Variants in PTPN2 observed in about 807,000 individuals in gnomAD.
The protein encoded by PTPN2 is tyrosine-protein phosphatase non-receptor type 2.
Under a neutral mutation model 57.3 loss-of-function variants are expected in PTPN2, and 19 were observed. The ratio of observed to expected loss-of-function variants is 0.33; its 90% CI spans 0.23 to 0.49. PTPN2 has a LOEUF of 0.49. Ranked by LOEUF, PTPN2 falls within the 20% of genes least tolerant of loss-of-function variation. The probability of loss-of-function intolerance (pLI) is 0.99; values close to 1 mark genes in which losing one functional copy is unlikely to be tolerated. For missense variants in PTPN2, 358 were observed against 501.1 expected (o/e 0.71, Z 2.73); for synonymous variants, 153 against 164.9 (o/e 0.93, Z 0.55).
At chr18:12,788,037 G>A (rs957904569), downstream of PTPN2, 5 of 154,734 alleles carry the variant, frequency 3.2e-5, no homozygotes, top group Non-Finnish European at 5.9e-5. Context: ...TTCTCTTAAG[G>A]TGCAAAGATG....
chr18:12,881,638 G>A (rs939748227), intron 1 of PTPN2, among the ~76,000 whole-genome samples: 2 of 152,050 alleles, frequency 1.3e-5, no homozygotes, highest in African/African-American at 4.8e-5. Flanking sequence ...CTCCTTGCTG[G>A]AACAGTAATT....
intron 1 of PTPN2, among the ~76,000 whole-genome samples, chr18:12,872,666 C>T (rs2044310228): frequency 6.6e-6 from 1 of 152,178 alleles, no homozygotes; most frequent in Admixed American, 6.5e-5. Flanking sequence ...AAACCACATG[C>T]TAAGTTTGCG....
chr18:12,879,517 G>C (rs959776946), intron 1 of PTPN2, among the ~76,000 whole-genome samples: 1 of 152,158 alleles, frequency 6.6e-6, no homozygotes, highest in African/African-American at 2.4e-5. Flanking sequence ...CTAAGCACCT[G>C]ATACTGTGCA....
intron 1 of PTPN2, among the ~76,000 whole-genome samples, chr18:12,874,967 A>T (rs895870550): frequency 2.0e-5 from 3 of 152,086 alleles, no homozygotes; most frequent in Non-Finnish European, 4.4e-5. Flanking sequence ...TACTAAGAAA[A>T]ATTCTTCTGC....
intron 7 of PTPN2, among the ~76,000 whole-genome samples, chr18:12,807,876 T>A (rs1274283868): frequency 1.3e-5 from 2 of 151,950 alleles, no homozygotes; most frequent in African/African-American, 4.8e-5. Context: ...ACAGAATGAC[T>A]ATGGTTAATA....
intron 6 of PTPN2, among the ~76,000 whole-genome samples, chr18:12,815,719 G>A (rs1477230426): frequency 6.6e-6 from 1 of 152,158 alleles, no homozygotes; most frequent in East Asian, 1.9e-4. Flanking sequence ...TAATACAGAT[G>A]TTTAGTTAAG....
At chr18:12,880,018 A>G (rs1224279023) in intron 1 of PTPN2, among the ~76,000 whole-genome samples, 1 of 152,228 alleles carries the variant, frequency 6.6e-6, no homozygotes, top group African/African-American at 2.4e-5. Flanking sequence ...TTGCTGCTGT[A>G]TGACATCCAA....
At chr18:12,843,687 C>T (rs1023674296) in intron 2 of PTPN2, among the ~76,000 whole-genome samples, 4 of 152,206 alleles carry the variant, frequency 2.6e-5, no homozygotes, top group African/African-American at 9.6e-5. Context: ...TCTTTGCAGC[C>T]AGGGACGCTG....
chr18:12,842,173 TG>T (rs2043067596), intron 2 of PTPN2, among the ~76,000 whole-genome samples: 1 of 152,148 alleles, frequency 6.6e-6, no homozygotes. Context: ...CCCAAAGTGT[TG>T]GGATTACAGG....
intron 7 of PTPN2, among the ~76,000 whole-genome samples, chr18:12,812,849 G>A (rs2041939893): frequency 6.6e-6 from 1 of 152,006 alleles, no homozygotes; most frequent in Non-Finnish European, 1.5e-5. Context: ...AGAATTGAGA[G>A]CCTGAGGACA....
At chr18:12,821,073 A>G (rs1020533684) in intron 5 of PTPN2, among the ~76,000 whole-genome samples, 2 of 152,342 alleles carry the variant, frequency 1.3e-5, no homozygotes, top group East Asian at 3.9e-4. Flanking sequence ...TCCAATTATC[A>G]TAAAAAATCT....
chr18:12,825,019 G>C (rs1409860815), intron 5 of PTPN2, among the ~76,000 whole-genome samples: 5 of 152,112 alleles, frequency 3.3e-5, no homozygotes, highest in Non-Finnish European at 7.4e-5. Flanking sequence ...CCAGGAGTTG[G>C]AGGCCTCATT....
At chr18:12,800,549 CATA>C (rs1234663807) in intron 8 of PTPN2, among the ~76,000 whole-genome samples, 2 of 152,056 alleles carry the variant, frequency 1.3e-5, no homozygotes, top group Admixed American at 1.3e-4. Flanking sequence ...ATTACTAAAT[CATA>C]ATAAACTCTT....
At chr18:12,804,939 T>A (rs1412292450) in intron 7 of PTPN2, among the ~76,000 whole-genome samples, 8 of 152,116 alleles carry the variant, frequency 5.3e-5, no homozygotes, top group Non-Finnish European at 1.2e-4. Context: ...CAGGCCAATA[T>A]CCTTGATGAA....
chr18:12,791,654 C>A (rs187519374), downstream of PTPN2, among the ~76,000 whole-genome samples: 46 of 152,034 alleles, frequency 3.0e-4, 1 homozygote, highest in East Asian at 4.8e-3. Context: ...TTAAAGCATC[C>A]ACTGTCAATG....
rs1447116596 is a variant in PTPN2, at chr18:12,884,169, G to C, written c.-28C>G. The C allele has an allele frequency of 1.9e-6, 3 of 1,559,042 alleles. No homozygotes were observed. The highest frequency in any genetic ancestry group is 1.4e-5 in the African/African-American group (1 of 72,348). On this transcript the variant is annotated 5_prime_UTR_variant, in exon 1 of 9. Transcript: ENST00000309660. ...CTGCGGGAGCGAGCTGGCGCGAGCAGAGCCTGCGCCGGCGGAGAGGCTCAG... is the reference window on the plus strand; with the variant it reads ...CTGCGGGAGCGAGCTGGCGCGAGCACAGCCTGCGCCGGCGGAGAGGCTCAG...
At chr18:12,878,935 C>T (rs914503463) in intron 1 of PTPN2, among the ~76,000 whole-genome samples, 1 of 152,200 alleles carries the variant, frequency 6.6e-6, no homozygotes, top group Non-Finnish European at 1.5e-5. Context: ...ATAGCTTTTG[C>T]GATTCCCCAG....
chr18:12,836,511 A>G lies in PTPN2; in HGVS notation c.261+280T>C, dbSNP rs1220821075. On this transcript the variant is annotated intron_variant, in intron 3 of 8. Transcript: ENST00000309660. ...AAGCATAAGCAGCACTCTGTGTCAGATATAATGTAAGGAACACAATCTGCC... is the reference window on the plus strand; with the variant it reads ...AAGCATAAGCAGCACTCTGTGTCAGGTATAATGTAAGGAACACAATCTGCC... 2.6e-5 allele frequency among the ~76,000 whole-genome samples: 4 copies of G among 152,262 alleles called. No individual in the cohort carries two copies. In the South Asian group the frequency reaches 8.3e-4, roughly 31 times the overall value.
chr18:12,867,952 T>C (rs1006600354), intron 1 of PTPN2, among the ~76,000 whole-genome samples: 2 of 152,240 alleles, frequency 1.3e-5, no homozygotes, highest in African/African-American at 4.8e-5. Flanking sequence ...GAATTTTTCG[T>C]TTGTCTAACA....
Sources: gnomAD v4.1 joint callset for allele counts (sites outside exome capture counted in the v4.1 genomes callset) on GRCh38, gnomAD v4.1.1 for gene constraint, MANE v1.5 for transcripts, NCBI Gene and HGNC (gene_info 2026-07-23, HGNC 2026-07-21) for gene names.